The following LIX1 variants were observed in gnomAD, a reference collection of about 807,000 sequenced individuals.
The protein encoded by LIX1 is limb and CNS expressed 1.
In LIX1, 24 loss-of-function variants were observed where a neutral mutation model predicts 33.4. The observed-to-expected ratio is 0.72, with a 90% CI of 0.52 to 1.01. The LOEUF is 1.01. Ranked by LOEUF, LIX1 falls within the 50% of genes least tolerant of loss-of-function variation. The probability of loss-of-function intolerance (pLI) is 0.00; values close to 1 mark genes in which losing one functional copy is unlikely to be tolerated. For synonymous variants in LIX1, 124 were observed against 124.0 expected (o/e 1.00, Z 0.00); for missense variants, 311 against 339.2 (o/e 0.92, Z 0.65).
chr5:97,124,394 C>G, intron 2 of LIX1, 72 bp downstream of exon 2: 1 of 1,289,118 alleles, frequency 7.8e-7, no homozygotes, highest in South Asian at 1.6e-5. Context: ...TGTAATGTTA[C>G]CAGTTTACAA....
chr5:97,098,722 C>G (rs1189560990), intron 4 of LIX1, among the ~76,000 whole-genome samples: 2 of 151,982 alleles, frequency 1.3e-5, no homozygotes, highest in African/African-American at 4.8e-5. Flanking sequence ...TCTCTTAAAA[C>G]AAAACAAAAA....
intron 5 of LIX1, 127 bp downstream of exon 5, chr5:97,096,683 G>T: frequency 1.5e-6 from 1 of 679,386 alleles, no homozygotes; most frequent in Non-Finnish European, 2.6e-6. Context: ...TGTGTCCTCT[G>T]CTCTTAATAA....
rs192132285 is a variant in LIX1 at position 97,092,461 on chromosome 5, T to G, written c.*2287A>C. 1 of 152,368 alleles carries G rather than the reference T, an allele frequency of 6.6e-6. No homozygotes were observed. Among genetic ancestry groups the G allele is most frequent in the East Asian group, 1.9e-4 (1 of 5,346 alleles). The allele number at this position is 152,368 out of a possible 1,614,324, so 9.4% of individuals were successfully genotyped here. On this transcript the variant is annotated 3_prime_UTR_variant, in exon 6 of 6. Coordinates refer to ENST00000274382, the MANE Select transcript of LIX1 (RefSeq NM_153234.5). ...TAGGCTATAGTTAAAGATGTTTATA[T>G]GATAGACTGACAGCCCTTATGTCTC...
chr5:97,124,026 T>C (rs1747848837), intron 2 of LIX1, among the ~76,000 whole-genome samples: 1 of 152,160 alleles, frequency 6.6e-6, no homozygotes, highest in Admixed American at 6.5e-5. Flanking sequence ...CAGGATACAA[T>C]AAATGAGTGA....
intron 1 of LIX1, among the ~76,000 whole-genome samples, chr5:97,134,000 C>CT (rs1036190649): frequency 3.3e-5 from 5 of 152,102 alleles, no homozygotes; most frequent in African/African-American, 1.2e-4. Context: ...GAACAAATTT[C>CT]TTTAAGACTT....
At chr5:97,111,873 A>G (rs1747413497) in intron 2 of LIX1, among the ~76,000 whole-genome samples, 1 of 152,242 alleles carries the variant, frequency 6.6e-6, no homozygotes, top group South Asian at 2.1e-4. Flanking sequence ...CCCAGAAAGC[A>G]TGAAAAAGGA....
chr5:97,094,755 T>C lies in LIX1; in HGVS notation c.842A>G (p.Tyr281Cys). The C allele has an allele frequency of 6.2e-7, 1 of 1,613,280 alleles. No individual in the cohort carries two copies. Residue 281 changes from tyrosine to cysteine, a missense_variant, in exon 6 of 6, where the codon TAT becomes TGT. Tyr to Cys is a radical substitution (Grantham distance 194). Transcript: ENST00000274382. ...DQLSLTALCG[Y>C]H ...ACCCGGGGCTTGGCCTTGCTAGTGA[T>C]AGCCACACAGGGCCGTAAGGCTCAG... is the stretch of plus-strand genomic sequence containing the variant.
At position 97,095,039 on chromosome 5, in the gene LIX1, G is replaced by C; in HGVS notation, c.562-4C>G. The C allele has an allele frequency of 6.2e-7, 1 of 1,611,520 alleles. No individual in the cohort carries two copies. Among genetic ancestry groups the C allele is most frequent in the African/African-American group, 1.3e-5 (1 of 74,880 alleles). Reference sequence around the variant, plus strand: ...GAGAATAGTAGGAGATGACTTCCTGGGGGCCAAGAAACAAAGTCCAGGGTG... The same window carrying C: ...GAGAATAGTAGGAGATGACTTCCTGCGGGCCAAGAAACAAAGTCCAGGGTG... On this transcript the variant is annotated splice_polypyrimidine_tract_variant and splice_region_variant and intron_variant, in intron 5 of 5. Coordinates refer to ENST00000274382, the MANE Select transcript of LIX1 (RefSeq NM_153234.5).
intron 4 of LIX1, chr5:97,101,956 A>G (rs532484812): frequency 6.6e-6 from 1 of 152,212 alleles, no homozygotes; most frequent in Non-Finnish European, 1.5e-5. Flanking sequence ...CTTGGATTGC[A>G]TTAGGCTTCA....
chr5:97,130,037 A>C (rs1724454336), intron 1 of LIX1, among the ~76,000 whole-genome samples: 1 of 152,252 alleles, frequency 6.6e-6, no homozygotes, highest in Admixed American at 6.5e-5. Context: ...GTCCATGTGC[A>C]CGTAAACCAA....
intron 2 of LIX1, among the ~76,000 whole-genome samples, chr5:97,109,925 C>G (rs1478949116): frequency 6.6e-6 from 1 of 152,228 alleles, no homozygotes; most frequent in Non-Finnish European, 1.5e-5. Flanking sequence ...TTATTTTGTT[C>G]ATTTATATGG....
chr5:97,126,800 C>T (rs942058317), intron 1 of LIX1, among the ~76,000 whole-genome samples: 1 of 151,862 alleles, frequency 6.6e-6, no homozygotes, highest in African/African-American at 2.4e-5. Flanking sequence ...CCACTACGCC[C>T]AGCTAATTTT....
chr5:97,135,870 C>G (rs1748162217), intron 1 of LIX1, among the ~76,000 whole-genome samples: 1 of 151,924 alleles, frequency 6.6e-6, no homozygotes, highest in Non-Finnish European at 1.5e-5. Flanking sequence ...CTTTAGAGGA[C>G]CAATGATTTT....
intron 1 of LIX1, among the ~76,000 whole-genome samples, chr5:97,129,353 G>A (rs905594647): frequency 2.0e-5 from 3 of 152,052 alleles, no homozygotes; most frequent in African/African-American, 7.3e-5. Flanking sequence ...AGGATCTCAG[G>A]CTCCACCCTA....
In LIX1 at chr5:97,093,403, T is replaced by G. The variant is rs1746174091; in HGVS notation, c.*1345A>C. 6.6e-6 allele frequency: 1 copy of G among 152,304 alleles called. No individual in the cohort carries two copies. Among genetic ancestry groups the G allele is most frequent in the Admixed American group, 6.5e-5 (1 of 15,278 alleles). 9.4% of individuals were successfully genotyped at this position (152,304 alleles called of 1,614,324 possible). Reference sequence around the variant, plus strand: ...TGAATAAAATGCAGAATAATCATTTTCATGTTACAGATATGGAAAGACCTA... The same window carrying G: ...TGAATAAAATGCAGAATAATCATTTGCATGTTACAGATATGGAAAGACCTA... On this transcript the variant is annotated 3_prime_UTR_variant, in exon 6 of 6. Transcript: ENST00000274382.
chr5:97,111,812 T>C (rs945936493), intron 2 of LIX1, among the ~76,000 whole-genome samples: 1 of 152,180 alleles, frequency 6.6e-6, no homozygotes, highest in Non-Finnish European at 1.5e-5. Flanking sequence ...CAAATGGCAC[T>C]GCTCGGGAGA....
At chr5:97,105,108 G>A in intron 4 of LIX1, 82 bp downstream of exon 4, 2 of 1,218,216 alleles carry the variant, frequency 1.6e-6, no homozygotes, top group Non-Finnish European at 2.4e-6. Flanking sequence ...ATTGGGTCGG[G>A]AGATGTTAGT....
chr5:97,129,516 C>G (rs774545878), intron 1 of LIX1, among the ~76,000 whole-genome samples: 2 of 152,024 alleles, frequency 1.3e-5, no homozygotes, highest in Non-Finnish European at 2.9e-5. Flanking sequence ...CCTTACAGCA[C>G]CCCCTTGAAA....
chr5:97,099,072 G>T (rs1448507861), intron 4 of LIX1, among the ~76,000 whole-genome samples: 2 of 152,122 alleles, frequency 1.3e-5, no homozygotes, highest in African/African-American at 4.8e-5. Flanking sequence ...TGCTCCTTCT[G>T]CCCGCCCCCA....
Sources: gnomAD v4.1 joint callset for allele counts (sites outside exome capture counted in the v4.1 genomes callset) on GRCh38, gnomAD v4.1.1 for gene constraint, MANE v1.5 for transcripts, NCBI Gene and HGNC (gene_info 2026-07-23, HGNC 2026-07-21) for gene names.